The following PCDH11X variants were observed in gnomAD, a reference collection of about 807,000 sequenced individuals.
The protein encoded by PCDH11X is protocadherin-11 X-linked.
In PCDH11X, 18 loss-of-function variants were observed where a neutral mutation model predicts 53.3. That is an observed-to-expected ratio of 0.34 (90% CI 0.23 to 0.50). The LOEUF is 0.50. Ranked by LOEUF, PCDH11X falls within the 20% of genes least tolerant of loss-of-function variation. The pLI is 0.98. For missense variants in PCDH11X, 570 were observed against 1,032.4 expected (o/e 0.55, Z 6.14); for synonymous variants, 279 against 393.3 (o/e 0.71, Z 3.44).
chrX:92,128,169 A>G (rs765052189), intron 6 of PCDH11X, among the ~76,000 whole-genome samples: 19 of 111,663 alleles, frequency 1.7e-4, no homozygotes, highest in Non-Finnish European at 3.4e-4. Flanking sequence ...TAAATGCTTT[A>G]CAAACGTAAA....
chrX:91,803,603 G>A (rs1250571327), intron 1 of PCDH11X, among the ~76,000 whole-genome samples: 1 of 110,986 alleles, frequency 9.0e-6, no homozygotes, highest in African/African-American at 3.3e-5. Context: ...TGTGACCTTG[G>A]GCAAGTTATT....
rs1928439466 is a variant in PCDH11X at position 92,620,984 on chromosome X, AC to A, written c.*2046del. ...AAACTTGGGGAAGATTAAGAAAAGA[AC>A]CAATAGTGACAAAAATCAGTGCTTC... On this transcript the variant is annotated 3_prime_UTR_variant, in exon 11 of 11. Transcript: ENST00000682573. 9.3e-6 allele frequency: 1 copy of A among 107,952 alleles called. No homozygotes were observed. Among genetic ancestry groups the A allele is most frequent in the African/African-American group, 3.4e-5 (1 of 29,127 alleles). The allele number at this position is 107,952 out of a possible 1,213,427, so 8.9% of individuals were successfully genotyped here.
At chrX:91,806,886 AG>A (rs765580795) in intron 1 of PCDH11X, among the ~76,000 whole-genome samples, 2 of 112,323 alleles carry the variant, frequency 1.8e-5, no homozygotes, top group South Asian at 3.6e-4. Context: ...ATCTGAATAA[AG>A]ATAAAGTTTT....
At chrX:92,316,152 G>T (rs1452477532) in intron 8 of PCDH11X, among the ~76,000 whole-genome samples, 1 of 103,743 alleles carries the variant, frequency 9.6e-6, no homozygotes, top group Non-Finnish European at 2.0e-5. Context: ...CTAGAAGCAG[G>T]TCATGGTGGC....
At chrX:91,903,390 C>T (rs2524569) in intron 6 of PCDH11X, among the ~76,000 whole-genome samples, 1 of 111,096 alleles carries the variant, frequency 9.0e-6, no homozygotes, top group South Asian at 3.8e-4. Context: ...TATAAATACC[C>T]GTTTTTTAGT....
At chrX:91,790,499 A>G (rs1157948733) in intron 1 of PCDH11X, among the ~76,000 whole-genome samples, 2 of 112,429 alleles carry the variant, frequency 1.8e-5, no homozygotes, top group Non-Finnish European at 3.8e-5. Flanking sequence ...TTAGATTTTC[A>G]TTTACCTAAT....
chrX:91,871,938 A>T (rs940990734), intron 5 of PCDH11X, among the ~76,000 whole-genome samples: 31 of 111,356 alleles, frequency 2.8e-4, no homozygotes, highest in Non-Finnish European at 4.5e-4. Flanking sequence ...TGCATTTTTC[A>T]TGACCTCAAC....
chrX:92,408,388 G>A (rs1335743457), intron 9 of PCDH11X, among the ~76,000 whole-genome samples: 15 of 105,041 alleles, frequency 1.4e-4, no homozygotes, highest in South Asian at 4.5e-4. Flanking sequence ...CAGTTTTTTC[G>A]TAAAAGCAGT....
chrX:91,827,553 C>A (rs958727524), intron 4 of PCDH11X, among the ~76,000 whole-genome samples: 1 of 108,212 alleles, frequency 9.2e-6, no homozygotes, highest in African/African-American at 3.4e-5. Flanking sequence ...GGATGGAATT[C>A]CCTAGGTTGT....
intron 8 of PCDH11X, among the ~76,000 whole-genome samples, chrX:92,348,611 A>C (rs2069965538): frequency 9.3e-6 from 1 of 107,947 alleles, no homozygotes; most frequent in East Asian, 2.9e-4. Context: ...ATCTCGGCTC[A>C]CTGCAAACTC....
chrX:91,842,543 T>C (rs1003263400), intron 5 of PCDH11X, among the ~76,000 whole-genome samples: 36 of 107,509 alleles, frequency 3.3e-4, no homozygotes, highest in African/African-American at 1.2e-3. Context: ...ATTAAAACTA[T>C]AAAAATATCG....
intron 6 of PCDH11X, among the ~76,000 whole-genome samples, chrX:92,036,386 G>T (rs895373437): frequency 1.8e-5 from 2 of 108,190 alleles, no homozygotes; most frequent in African/African-American, 3.4e-5. Context: ...GGAGGAACGC[G>T]GTGGGAGGTG....
chrX:92,557,900 C>T (rs1218861645), intron 10 of PCDH11X, among the ~76,000 whole-genome samples: 1 of 108,205 alleles, frequency 9.2e-6, no homozygotes, highest in Non-Finnish European at 1.9e-5. Context: ...GCTGGGGAGA[C>T]CTCAGGAAAC....
chrX:92,211,199 C>G (rs2066579099), intron 7 of PCDH11X, among the ~76,000 whole-genome samples: 1 of 111,732 alleles, frequency 8.9e-6, no homozygotes. Flanking sequence ...GCTTCTGCTT[C>G]TGGGGAGGCC....
chrX:92,001,387 T>G (rs753463823), intron 6 of PCDH11X, among the ~76,000 whole-genome samples: 1 of 111,246 alleles, frequency 9.0e-6, no homozygotes, highest in African/African-American at 3.3e-5. Flanking sequence ...TTTTGAGAAA[T>G]GTCTATTCAA....
At chrX:92,339,469 T>G (rs1354606317) in intron 8 of PCDH11X, among the ~76,000 whole-genome samples, 1 of 111,231 alleles carries the variant, frequency 9.0e-6, no homozygotes, top group East Asian at 2.9e-4. Flanking sequence ...GAAAAGAGAT[T>G]TAATTGGCTT....
At chrX:91,932,100 A>T (rs1384620094) in intron 6 of PCDH11X, among the ~76,000 whole-genome samples, 1 of 110,320 alleles carries the variant, frequency 9.1e-6, no homozygotes, top group Admixed American at 9.7e-5. Context: ...CTGCTCCTGT[A>T]TCAGTTTGCG....
At chrX:92,230,147 C>T (rs996141047) in intron 7 of PCDH11X, among the ~76,000 whole-genome samples, 4 of 108,864 alleles carry the variant, frequency 3.7e-5, no homozygotes, top group South Asian at 3.8e-4. Context: ...TGGCAAAAAT[C>T]TTTGTCATAT....
At chrX:92,440,096 A>T (rs181318022) in intron 9 of PCDH11X, among the ~76,000 whole-genome samples, 2,464 of 99,195 alleles carry the variant, frequency 0.025, 61 homozygotes, top group Middle Eastern at 0.076. Flanking sequence ...AATGTCAAAG[A>T]TTAAATTTTC....
Sources: gnomAD v4.1 joint callset for allele counts (sites outside exome capture counted in the v4.1 genomes callset) on GRCh38, gnomAD v4.1.1 for gene constraint, MANE v1.5 for transcripts, NCBI Gene and HGNC (gene_info 2026-07-23, HGNC 2026-07-21) for gene names.